The following ASS1 variants were observed in gnomAD, a reference collection of about 807,000 sequenced individuals.
ASS1 encodes the protein argininosuccinate synthase 1, also known as argininosuccinate synthase.
Under a neutral mutation model 60.5 loss-of-function variants are expected in ASS1, and 58 were observed. That is an observed-to-expected ratio of 0.96 (90% CI 0.78 to 1.19). ASS1 has a LOEUF of 1.19. Ranked by LOEUF, ASS1 falls within the 50% of genes most tolerant of loss-of-function variation. The pLI is 0.00. For missense variants in ASS1, 454 were observed against 547.3 expected (o/e 0.83, Z 1.70); for synonymous variants, 200 against 206.9 (o/e 0.97, Z 0.29).
Position 130,501,225 on chromosome 9 carries a change from G to A in ASS1, c.*204G>A. The stretch of plus-strand genomic sequence containing the variant: ...GGGAAGGGTGGGGGGCAGCTGCGGT[G>A]GGGAGCTATAAAAATGACAATTAAA... On this transcript the variant is annotated 3_prime_UTR_variant, in exon 15 of 15. Coordinates refer to ENST00000352480, the MANE Select transcript of ASS1 (RefSeq NM_054012.4). 1.7e-6 allele frequency: 1 copy of A among 603,196 alleles called. No individual in the cohort carries two copies. The highest frequency in any genetic ancestry group is 1.9e-5 in the South Asian group (1 of 53,320). 37.4% of individuals were successfully genotyped at this position (603,196 alleles called of 1,614,324 possible).
intron 13 of ASS1, among the ~76,000 whole-genome samples, chr9:130,497,160 C>A (rs981645421): frequency 8.5e-5 from 13 of 152,194 alleles, no homozygotes; most frequent in African/African-American, 2.9e-4. Context: ...AATAATCTGT[C>A]CAACCCTTCA....
Position 130,476,676 on chromosome 9 carries a change from A to G in ASS1, c.598-195A>G. 1 of 633,968 alleles carries G rather than the reference A, an allele frequency of 1.6e-6. No individual in the cohort carries two copies. The highest frequency in any genetic ancestry group is 1.8e-5 in the South Asian group (1 of 55,792). The allele number at this position is 633,968 out of a possible 1,614,324, so 39.3% of individuals were successfully genotyped here. On this transcript the variant is annotated intron_variant, in intron 8 of 14. Transcript: ENST00000352480. This position sits in a 1 kb window ranked among gnomAD's most constrained non-coding sequence, Gnocchi z 4.9. Reference sequence around the variant, plus strand: ...AGGGGAAAAATTGTCTGATTTCTCCAGCCCTTTGTTTCCCAGGCCTCTGGC... The same window carrying G: ...AGGGGAAAAATTGTCTGATTTCTCCGGCCCTTTGTTTCCCAGGCCTCTGGC...
At chr9:130,482,290 A>T (rs1215552386) in intron 11 of ASS1, among the ~76,000 whole-genome samples, 1 of 151,854 alleles carries the variant, frequency 6.6e-6, no homozygotes, top group Non-Finnish European at 1.5e-5. Flanking sequence ...ATGGGGACAG[A>T]AGCAGCCCCC....
Position 130,470,914 on chromosome 9 carries a change from AC to A in ASS1, c.566+13del. Reference sequence around the variant, plus strand: ...ACCTCATGCACATCAGGTAAATCCCACCCTCCACCCATCCTTGGTCCTCCCG... The same window carrying A: ...ACCTCATGCACATCAGGTAAATCCCACCTCCACCCATCCTTGGTCCTCCCG... On this transcript the variant is annotated intron_variant, in intron 7 of 14. Transcript: ENST00000352480. This position sits in a 1 kb window ranked among gnomAD's most constrained non-coding sequence, Gnocchi z 4.3. 2 of 1,613,332 alleles carry A rather than the reference AC, an allele frequency of 1.2e-6. No homozygotes were observed. Among genetic ancestry groups the A allele is most frequent in the Non-Finnish European group, 1.7e-6 (2 of 1,179,596 alleles).
chr9:130,499,901 A>C (rs1846703664), intron 14 of ASS1, among the ~76,000 whole-genome samples: 1 of 152,170 alleles, frequency 6.6e-6, no homozygotes, highest in East Asian at 1.9e-4. Context: ...TTAAACAAGG[A>C]AATAGCATAG....
intron 4 of ASS1, among the ~76,000 whole-genome samples, chr9:130,460,764 G>T (rs546993072): frequency 1.3e-5 from 2 of 152,276 alleles, no homozygotes; most frequent in East Asian, 3.9e-4. Context: ...TCTCAGGTTG[G>T]ATGGAGGTGG....
intron 1 of ASS1, among the ~76,000 whole-genome samples, chr9:130,449,343 A>G (rs1174634126): frequency 2.8e-4 from 6 of 21,406 alleles, no homozygotes; most frequent in Non-Finnish European, 4.9e-4. Context: ...ACCCTGTCTG[A>G]AAAAAAAAAA....
rs758869224 is a variant in ASS1, at chr9:130,480,484, G to A, written c.838+35G>A. 13 of 1,609,302 alleles carry A rather than the reference G, an allele frequency of 8.1e-6. No individual in the cohort carries two copies. In the East Asian group the frequency reaches 1.3e-4, roughly 17 times the overall value. On this transcript the variant is annotated intron_variant, in intron 11 of 14. Coordinates refer to ENST00000352480, the MANE Select transcript of ASS1 (RefSeq NM_054012.4). ...CTCAGCCTCCCTCAGGGCCTGCCTC[G>A]GGACCCAGCAAACCCAGAGATCCCT...
chr9:130,454,278 C>T (rs1257936563), intron 2 of ASS1, 27 bp from the exon 3 acceptor site: 10 of 1,603,484 alleles, frequency 6.2e-6, no homozygotes, highest in East Asian at 4.5e-5. Context: ...CAGGGGCTGA[C>T]GGAGCCTCTC....
chr9:130,482,083 A>AT (rs768712472), intron 11 of ASS1, among the ~76,000 whole-genome samples: 2 of 152,020 alleles, frequency 1.3e-5, no homozygotes, highest in Non-Finnish European at 2.9e-5. Context: ...GAGGGGTGGG[A>AT]TAGAGGGCTT....
chr9:130,464,053 CCCAGACTCCA>C lies in ASS1; in HGVS notation c.364-57_364-48del, dbSNP rs1225504543. 4 of 1,595,532 alleles carry C rather than the reference CCCAGACTCCA, an allele frequency of 2.5e-6. No individual in the cohort carries two copies. In the African/African-American group the frequency reaches 4.0e-5, roughly 16 times the overall value. ...GGCTGTCCTTGTCCTCACGTCCTCCCCCAGACTCCAGAACCCCCATCCTGTGGCTCCTGAC... is the reference window on the plus strand; with the variant it reads ...GGCTGTCCTTGTCCTCACGTCCTCCCGAACCCCCATCCTGTGGCTCCTGAC... On this transcript the variant is annotated intron_variant, in intron 4 of 14. Transcript: ENST00000352480.
Position 130,476,872 on chromosome 9 carries a change from AC to A in ASS1, c.601del (p.Gln201LysfsTer33). On this transcript the variant is annotated frameshift_variant and splice_region_variant, in exon 9 of 15. Transcript: ENST00000352480. LOFTEE classifies it high-confidence loss of function. This position sits in a 1 kb window ranked among gnomAD's most constrained non-coding sequence, Gnocchi z 4.9. ...YEAGILENPKNQAPPGLYTKT... is the reference protein window; with the variant it reads ...YEAGILENPKXQAPPGLYTKT... ...CCACCACTTTCTGTCTTTTTTCAGA[AC>A]CAAGCGCCTCCAGGTCTCTACACGA... The A allele has an allele frequency of 6.2e-7, 1 of 1,613,860 alleles. No individual in the cohort carries two copies. Among genetic ancestry groups the A allele is most frequent in the Non-Finnish European group, 8.5e-7 (1 of 1,179,890 alleles).
intron 11 of ASS1, among the ~76,000 whole-genome samples, chr9:130,485,163 G>A (rs1057071551): frequency 6.6e-6 from 1 of 152,172 alleles, no homozygotes; most frequent in African/African-American, 2.4e-5. Context: ...CTCGAGCCCT[G>A]AACCCCACCT....
Position 130,501,180 on chromosome 9 carries a change from C to T in ASS1, c.*159C>T, listed in dbSNP as rs1323350321. ...CTTTGTTCCCTGGTCCCCCTGAAGCCTGCAAACGTTGTCATCGAAGGGAAG... is the reference window on the plus strand; with the variant it reads ...CTTTGTTCCCTGGTCCCCCTGAAGCTTGCAAACGTTGTCATCGAAGGGAAG... On this transcript the variant is annotated 3_prime_UTR_variant, in exon 15 of 15. Transcript: ENST00000352480. 1 of 781,490 alleles carries T rather than the reference C, an allele frequency of 1.3e-6. No individual in the cohort carries two copies. The highest frequency in any genetic ancestry group is 1.5e-5 in the South Asian group (1 of 66,812). 48.4% of individuals were successfully genotyped at this position (781,490 alleles called of 1,614,324 possible).
chr9:130,472,530 G>A (rs919752922), intron 8 of ASS1, among the ~76,000 whole-genome samples: 2 of 152,128 alleles, frequency 1.3e-5, no homozygotes, highest in Admixed American at 6.5e-5. Context: ...CCCGGGCACC[G>A]GCTGCTCAGG....
At position 130,476,672 on chromosome 9, in the gene ASS1, C is replaced by T. The variant is rs887605549; in HGVS notation, c.598-199C>T. On this transcript the variant is annotated intron_variant, in intron 8 of 14. Coordinates refer to ENST00000352480, the MANE Select transcript of ASS1 (RefSeq NM_054012.4). This position sits in a 1 kb window ranked among gnomAD's most constrained non-coding sequence, Gnocchi z 4.9. The stretch of plus-strand genomic sequence containing the variant: ...GTTGAGGGGAAAAATTGTCTGATTT[C>T]TCCAGCCCTTTGTTTCCCAGGCCTC... 2 of 627,828 alleles carry T rather than the reference C, an allele frequency of 3.2e-6. No individual in the cohort carries two copies. Among genetic ancestry groups the T allele is most frequent in the Non-Finnish European group, 2.8e-6 (1 of 351,342 alleles). The allele number at this position is 627,828 out of a possible 1,614,324, so 38.9% of individuals were successfully genotyped here.
chr9:130,458,274 G>A, intron 3 of ASS1, 127 bp from the exon 4 acceptor site: 1 of 1,021,426 alleles, frequency 9.8e-7, no homozygotes, highest in Non-Finnish European at 1.5e-6. Flanking sequence ...AGATGCAGAA[G>A]AAGAAGCACC....
chr9:130,453,556 C>A (rs765795230), intron 2 of ASS1, among the ~76,000 whole-genome samples: 23 of 152,238 alleles, frequency 1.5e-4, no homozygotes, highest in Non-Finnish European at 2.8e-4. Flanking sequence ...GTAGGTAGCA[C>A]AGCGGGGCAA....
chr9:130,489,347 C>A lies in ASS1; in HGVS notation c.853C>A (p.Pro285Thr). ...AAAATGGCTAGGTATCTACGAGACC[C>A]CAGCAGGCACCATCCTTTACCATGC... is the stretch of plus-strand genomic sequence containing the variant. Reference protein sequence around the residue: ...GMKSRGIYETPAGTILYHAHL... With the variant: ...GMKSRGIYETTAGTILYHAHL... Residue 285 changes from proline (P) to threonine (T), a missense_variant, in exon 12 of 15, where the codon CCA becomes ACA. By Grantham distance (38) the Pro-to-Thr change is conservative. Coordinates refer to ENST00000352480, the MANE Select transcript of ASS1 (RefSeq NM_054012.4). This position sits in a 1 kb window ranked among gnomAD's most constrained non-coding sequence, Gnocchi z 4.1. 2 of 1,613,912 alleles carry A rather than the reference C, an allele frequency of 1.2e-6. No individual in the cohort carries two copies. The highest frequency in any genetic ancestry group is 1.7e-6 in the Non-Finnish European group (2 of 1,179,994).
Sources: gnomAD v4.1 joint callset for allele counts (sites outside exome capture counted in the v4.1 genomes callset) on GRCh38, gnomAD v4.1.1 for gene constraint, Gnocchi (gnomAD v3.1) non-coding constraint, MANE v1.5 for transcripts, NCBI Gene and HGNC (gene_info 2026-07-23, HGNC 2026-07-21) for gene names.